The following MOGAT1 variants were observed in gnomAD, a reference collection of about 807,000 sequenced individuals.
MOGAT1 encodes monoacylglycerol O-acyltransferase 1.
In MOGAT1, 32 loss-of-function variants were observed where a neutral mutation model predicts 31.4. The ratio of observed to expected loss-of-function variants is 1.02; its 90% CI spans 0.77 to 1.37. MOGAT1 has a LOEUF of 1.37. MOGAT1 is among the 40% of genes most tolerant of loss of function. The pLI is 0.00. For synonymous variants in MOGAT1, 145 were observed against 144.5 expected, an observed-to-expected ratio of 1.00 and a Z score of -0.03; for missense variants, 426 against 402.0, an observed-to-expected ratio of 1.06 and a Z score of -0.51.
intron 3 of MOGAT1, 138 bp from the exon 4 acceptor site, chr2:222,694,224 C>A: frequency 1.3e-6 from 1 of 745,250 alleles, no homozygotes; most frequent in South Asian, 2.3e-5. Context: ...TGAAAAATTA[C>A]AAACTTACAA....
rs1692522159 is a variant in MOGAT1, at chr2:222,677,872, G to A, written c.94+5993G>A. 1.6e-5 allele frequency: 4 copies of A among 254,284 alleles called. No individual in the cohort carries two copies. The South Asian group carries it at 2.2e-4, about 14-fold the overall frequency. 15.8% of individuals were successfully genotyped at this position (254,284 alleles called of 1,614,324 possible). ...GCCGTACTAACTGTGTCCTTCCTGT[G>A]TTTCTTGTCTTTAATGATCCAGATC... is the stretch of plus-strand genomic sequence containing the variant. On this transcript the variant is annotated intron_variant, in intron 1 of 5. Coordinates refer to ENST00000446656, the MANE Select transcript of MOGAT1 (RefSeq NM_058165.3).
chr2:222,678,766 C>T lies in MOGAT1; in HGVS notation c.94+6887C>T, dbSNP rs544923023. On this transcript the variant is annotated intron_variant, in intron 1 of 5. Coordinates refer to ENST00000446656, the MANE Select transcript of MOGAT1 (RefSeq NM_058165.3). ...CACCAGCCTGGCCAACATGGGGACA[C>T]CCTGCCTCTACTAAAAATATAAAAA... 5.9e-5 allele frequency among the ~76,000 whole-genome samples: 9 copies of T among 152,252 alleles called. No homozygotes were observed. In the South Asian group the frequency reaches 8.3e-4, roughly 14 times the overall value.
At chr2:222,677,190 T>C (rs1692511441) in intron 1 of MOGAT1, among the ~76,000 whole-genome samples, 1 of 152,232 alleles carries the variant, frequency 6.6e-6, no homozygotes, top group Non-Finnish European at 1.5e-5. Context: ...TTCCACTTTT[T>C]ATGTTTTGTC....
chr2:222,685,763 A>C (rs1052008752), intron 1 of MOGAT1, among the ~76,000 whole-genome samples: 1 of 150,918 alleles, frequency 6.6e-6, no homozygotes, highest in African/African-American at 2.4e-5. Flanking sequence ...ACCACACCCC[A>C]CCAATTTTTG....
chr2:222,698,356 A>T (rs1226355839), intron 5 of MOGAT1, among the ~76,000 whole-genome samples: 6 of 152,240 alleles, frequency 3.9e-5, no homozygotes, highest in Admixed American at 3.9e-4. Flanking sequence ...GCTAAATGTT[A>T]TCTCTAAGCC....
chr2:222,706,681 G>C lies in MOGAT1; in HGVS notation c.854-3055G>C, dbSNP rs1485976783. 2.0e-5 allele frequency among the ~76,000 whole-genome samples: 3 copies of C among 152,152 alleles called. No homozygotes were observed. In the East Asian group the frequency reaches 5.8e-4, roughly 29 times the overall value. On this transcript the variant is annotated intron_variant, in intron 5 of 5. Transcript: ENST00000446656. ...ACACACTTCATCTTCTTAGACCACT[G>C]AGTCTTTTTACTGGTCCCTTACCCC... is the stretch of plus-strand genomic sequence containing the variant.
At chr2:222,678,283 A>T (rs975948191) in intron 1 of MOGAT1, 1 of 152,522 alleles carries the variant, frequency 6.6e-6, no homozygotes, top group African/African-American at 2.4e-5. Context: ...TGCAGTTTTA[A>T]TAAGTGTGTA....
intron 2 of MOGAT1, 79 bp downstream of exon 2, chr2:222,688,601 G>A: frequency 9.7e-7 from 1 of 1,026,564 alleles, no homozygotes; most frequent in Non-Finnish European, 1.4e-6. Context: ...TATATCTCAA[G>A]CTTCTTTTTC....
chr2:222,672,305 C>T (rs535497282), intron 1 of MOGAT1, among the ~76,000 whole-genome samples: 34 of 152,276 alleles, frequency 2.2e-4, no homozygotes, highest in Non-Finnish European at 4.4e-4. Context: ...AAACCTTGTT[C>T]CTTCTCCCTC....
At chr2:222,702,077 T>C (rs1692938265) in intron 5 of MOGAT1, among the ~76,000 whole-genome samples, 1 of 152,222 alleles carries the variant, frequency 6.6e-6, no homozygotes, top group Non-Finnish European at 1.5e-5. Flanking sequence ...AGCTTTCAAA[T>C]GTGTTTCTAG....
At chr2:222,703,005 C>G (rs1471697635) in intron 5 of MOGAT1, among the ~76,000 whole-genome samples, 3 of 152,186 alleles carry the variant, frequency 2.0e-5, no homozygotes, top group East Asian at 3.9e-4. Flanking sequence ...AAAACTTTAC[C>G]TCTAGCCTCT....
At chr2:222,708,072 T>G (rs147534182) in intron 5 of MOGAT1, among the ~76,000 whole-genome samples, 333 of 152,120 alleles carry the variant, frequency 2.2e-3, no homozygotes, top group African/African-American at 5.4e-3. Flanking sequence ...TTTTCTTTTT[T>G]TTGTTGTTGT....
At chr2:222,675,170 TG>T (rs752282052) in intron 1 of MOGAT1, among the ~76,000 whole-genome samples, 8 of 152,256 alleles carry the variant, frequency 5.3e-5, no homozygotes, top group Admixed American at 6.5e-5. Flanking sequence ...AGGGTTAACT[TG>T]TTCCTCTATC....
At position 222,671,836 on chromosome 2, in the gene MOGAT1, G is replaced by A. The variant is rs1416254206; in HGVS notation, c.51G>A (p.Gln17=). Residue 17 remains glutamine (Q), a synonymous_variant, in exon 1 of 6, where the codon CAG becomes CAA. Coordinates refer to ENST00000446656, the MANE Select transcript of MOGAT1 (RefSeq NM_058165.3). ...PLNIQLARRL[Q]TVAVLQWVLK... The stretch of plus-strand genomic sequence containing the variant: ...ACATCCAGCTGGCGCGGCGGCTGCA[G>A]ACGGTGGCCGTGCTGCAGTGGGTCC... The A allele has an allele frequency of 2.6e-6, 4 of 1,553,414 alleles. No individual in the cohort carries two copies. In the South Asian group the frequency reaches 3.6e-5, roughly 14 times the overall value.
Position 222,688,459 on chromosome 2 carries a change from G to A in MOGAT1, c.210G>A (p.Arg70=), listed in dbSNP as rs755385729. 4.3e-6 allele frequency: 7 copies of A among 1,613,682 alleles called. No homozygotes were observed. Among genetic ancestry groups the A allele is most frequent in the Non-Finnish European group, 5.9e-6 (7 of 1,179,834 alleles). ...GGCATACCCCAGAGCGAGGAGGCAGGAGATCCAGCTGGATCAAAAATTGGA... is the reference window on the plus strand; with the variant it reads ...GGCATACCCCAGAGCGAGGAGGCAGAAGATCCAGCTGGATCAAAAATTGGA... The part of the protein sequence containing the change: ...FDWHTPERGG[R]RSSWIKNWTL... The change falls in exon 2 of 6, where the codon AGG becomes AGA. Residue 70 remains arginine (R), a synonymous_variant. Transcript: ENST00000446656.
At chr2:222,681,103 T>A (rs1692573723) in intron 1 of MOGAT1, among the ~76,000 whole-genome samples, 1 of 152,210 alleles carries the variant, frequency 6.6e-6, no homozygotes, top group Admixed American at 6.5e-5. Context: ...CTTCAATTCA[T>A]GGAAACTGAA....
At position 222,686,640 on chromosome 2, in the gene MOGAT1, A is replaced by G. The variant is rs529354310; in HGVS notation, c.95-1704A>G. Among the ~76,000 whole-genome samples the G allele has an allele frequency of 3.3e-5, 5 of 152,280 alleles. No individual in the cohort carries two copies. The South Asian group carries it at 1.0e-3, about 32-fold the overall frequency. On this transcript the variant is annotated intron_variant, in intron 1 of 5. Transcript: ENST00000446656. Reference sequence around the variant, plus strand: ...TTACAGCATGCTTTGGACTCATGGAAGCTTTTCTGGTGGGTCCAGAAGGTA... The same window carrying G: ...TTACAGCATGCTTTGGACTCATGGAGGCTTTTCTGGTGGGTCCAGAAGGTA...
In MOGAT1 at chr2:222,709,756, C is replaced by G. The variant is rs761351566; in HGVS notation, c.874C>G (p.Arg292Gly). The G allele has an allele frequency of 3.1e-6, 5 of 1,612,736 alleles. No homozygotes were observed. Among genetic ancestry groups the G allele is most frequent in the South Asian group, 2.2e-5 (2 of 90,958 alleles). ...HTVVGRPIPV[R>G]QTLNPTQEQI... ...TGCAGTTGGCCGCCCGATCCCTGTTCGTCAGACTCTGAACCCGACCCAGGA... is the reference window on the plus strand; with the variant it reads ...TGCAGTTGGCCGCCCGATCCCTGTTGGTCAGACTCTGAACCCGACCCAGGA... The change falls in exon 6 of 6, where the codon CGT becomes GGT. Residue 292 changes from arginine (R) to glycine (G), a missense_variant. Coordinates refer to ENST00000446656, the MANE Select transcript of MOGAT1 (RefSeq NM_058165.3).
chr2:222,679,807 G>A (rs2106032245), intron 1 of MOGAT1, among the ~76,000 whole-genome samples: 1 of 152,332 alleles, frequency 6.6e-6, no homozygotes, highest in South Asian at 2.1e-4. Context: ...GATCAAACTT[G>A]AAACTTCAAG....
Sources: allele counts gnomAD v4.1 joint callset (sites outside exome capture counted in the v4.1 genomes callset), GRCh38; gene constraint gnomAD v4.1.1; transcripts MANE v1.5; gene names NCBI Gene and HGNC (gene_info 2026-07-23, HGNC 2026-07-21).